PLEKHA8: variants seen among roughly 807,000 people sequenced by gnomAD.
PLEKHA8 encodes pleckstrin homology domain-containing family A member 8.
Under a neutral mutation model 68.2 loss-of-function variants are expected in PLEKHA8, and 36 were observed. That is an observed-to-expected ratio of 0.53 (90% CI 0.40 to 0.70). PLEKHA8 has a LOEUF of 0.70. PLEKHA8 is among the 30% of genes least tolerant of loss of function. The pLI is 0.00. For synonymous variants in PLEKHA8, 211 were observed against 216.1 expected, an observed-to-expected ratio of 0.98 and a Z score of 0.20; for missense variants, 505 against 615.4, an observed-to-expected ratio of 0.82 and a Z score of 1.90.
At chr7:30,075,013 A>G (rs547144369) in intron 13 of PLEKHA8, 1 of 152,290 alleles carries the variant, frequency 6.6e-6, no homozygotes, top group African/African-American at 2.4e-5. Context: ...ATGAAAAGGC[A>G]GTCTCATGCA....
intron 13 of PLEKHA8, among the ~76,000 whole-genome samples, chr7:30,116,146 GCATA>G (rs1410961172): frequency 2.7e-5 from 4 of 150,418 alleles, no homozygotes; most frequent in South Asian, 4.2e-4. Context: ...GTATACATAC[GCATA>G]CATACACGTA....
chr7:30,086,278 A>G (rs1221261461), downstream of PLEKHA8, among the ~76,000 whole-genome samples: 1 of 152,198 alleles, frequency 6.6e-6, no homozygotes, highest in African/African-American at 2.4e-5. Context: ...TACCCCACTG[A>G]TCCCCAGGAT....
chr7:30,092,037 C>T (rs143306463), downstream of PLEKHA8, among the ~76,000 whole-genome samples: 1,356 of 152,236 alleles, frequency 8.9e-3, 16 homozygotes, highest in Middle Eastern at 0.024. Context: ...TGTATGTGAG[C>T]AACTAAGGAC....
chr7:30,054,209 C>T (rs566946019), intron 7 of PLEKHA8, among the ~76,000 whole-genome samples: 20 of 152,278 alleles, frequency 1.3e-4, no homozygotes, highest in African/African-American at 3.9e-4. Flanking sequence ...ATTGCTCTAC[C>T]TCAGCTAGGA....
At chr7:30,112,845 G>A (rs371595891) in intron 13 of PLEKHA8, among the ~76,000 whole-genome samples, 14 of 151,862 alleles carry the variant, frequency 9.2e-5, no homozygotes, top group African/African-American at 3.4e-4. Flanking sequence ...AGGCTACAGT[G>A]AGCTGTGATA....
intron 4 of PLEKHA8, among the ~76,000 whole-genome samples, chr7:30,048,497 A>G (rs964240276): frequency 1.3e-5 from 2 of 152,224 alleles, no homozygotes; most frequent in Admixed American, 6.5e-5. Context: ...TTTTCTCTTC[A>G]TTGTCAGCAA....
chr7:30,074,269 T>TGTGTGTGTGTGTGTGA, intron 13 of PLEKHA8, 137 bp downstream of exon 13: 1 of 661,246 alleles, frequency 1.5e-6, no homozygotes, highest in Non-Finnish European at 2.5e-6. Flanking sequence ...TGTGTGTGTG[T>TGTGTGTGTGTGTGTGA]GTGTATGTGT....
At chr7:30,084,695 A>G (rs1438243411), downstream of PLEKHA8, 13 of 865,476 alleles carry the variant, frequency 1.5e-5, no homozygotes, top group African/African-American at 3.7e-5. Flanking sequence ...CTAATTGAAT[A>G]TGTCAATAAA....
Position 30,029,251 on chromosome 7 carries a change from G to C in PLEKHA8, c.40+449G>C, listed in dbSNP as rs184240213. ...CACAGCGGAAAGATCCTTTATCAAA[G>C]TCCTCAGTGCAAACACTTTCCCTTT... On this transcript the variant is annotated intron_variant, in intron 1 of 13. Coordinates refer to ENST00000449726, the MANE Select transcript of PLEKHA8 (RefSeq NM_001197026.2). 7.2e-5 allele frequency among the ~76,000 whole-genome samples: 11 copies of C among 152,334 alleles called. No individual in the cohort carries two copies. In the East Asian group the frequency reaches 2.1e-3, roughly 29 times the overall value.
intron 1 of PLEKHA8, among the ~76,000 whole-genome samples, chr7:30,037,609 C>G (rs1245376132): frequency 5.3e-5 from 8 of 152,200 alleles, no homozygotes; most frequent in African/African-American, 1.9e-4. Flanking sequence ...TTAACCTTTT[C>G]TTTCTCCCAT....
chr7:30,083,922 T>G lies in PLEKHA8; in HGVS notation c.*5135T>G. Reference sequence around the variant, plus strand: ...GTATGCGTGTCTGTTTATAGGTGTATATGGAGTCAGTGTTGATAGGAAGGA... The same window carrying G: ...GTATGCGTGTCTGTTTATAGGTGTAGATGGAGTCAGTGTTGATAGGAAGGA... On this transcript the variant is annotated 3_prime_UTR_variant, in exon 14 of 14. Coordinates refer to ENST00000449726, the MANE Select transcript of PLEKHA8 (RefSeq NM_001197026.2). The G allele has an allele frequency of 1.0e-6, 1 of 985,498 alleles. No individual in the cohort carries two copies. The highest frequency in any genetic ancestry group is 1.2e-6 in the Non-Finnish European group (1 of 829,916). 61.0% of individuals were successfully genotyped at this position (985,498 alleles called of 1,614,324 possible).
rs1266379715 is a variant in PLEKHA8 at position 30,052,769 on chromosome 7, A to G, written c.699A>G (p.Glu233=). Residue 233 remains glutamate, a synonymous_variant, in exon 7 of 14, where the codon GAA becomes GAG. Transcript: ENST00000449726. The part of the protein sequence containing the change: ...GSLNMEINGE[E]EILMKNKNSL... ...TAAATATGGAAATAAATGGTGAGGAAGAAATCCTAATGAAAAATAAGAATT... is the reference window on the plus strand; with the variant it reads ...TAAATATGGAAATAAATGGTGAGGAGGAAATCCTAATGAAAAATAAGAATT... 5 of 1,570,602 alleles carry G rather than the reference A, an allele frequency of 3.2e-6. No individual in the cohort carries two copies. The highest frequency in any genetic ancestry group is 4.2e-5 in the Admixed American group (2 of 47,286).
chr7:30,038,954 T>C (rs535354060), intron 1 of PLEKHA8, among the ~76,000 whole-genome samples: 1 of 150,818 alleles, frequency 6.6e-6, no homozygotes, highest in African/African-American at 2.4e-5. Context: ...ACATGAGGTA[T>C]GCCAGTTTAG....
Position 30,080,748 on chromosome 7 carries a change from G to A in PLEKHA8, c.*1961G>A. ...TGTTATTTCCCTCCCACTCTCATGAGCAGTGAGTATAGATCTCCTTCTCTG... is the reference window on the plus strand; with the variant it reads ...TGTTATTTCCCTCCCACTCTCATGAACAGTGAGTATAGATCTCCTTCTCTG... On this transcript the variant is annotated 3_prime_UTR_variant, in exon 14 of 14. Coordinates refer to ENST00000449726, the MANE Select transcript of PLEKHA8 (RefSeq NM_001197026.2). 2.0e-6 allele frequency: 2 copies of A among 985,272 alleles called. No individual in the cohort carries two copies. The highest frequency in any genetic ancestry group is 2.4e-6 in the Non-Finnish European group (2 of 829,864). The allele number at this position is 985,272 out of a possible 1,614,324, so 61.0% of individuals were successfully genotyped here. A position where few individuals can be genotyped will look rare whatever the true frequency, so the allele number is the denominator to read the frequency against.
At chr7:30,115,075 T>C (rs11769513) in intron 13 of PLEKHA8, among the ~76,000 whole-genome samples, 21,781 of 152,082 alleles carry the variant, frequency 0.14, 1,580 homozygotes, top group Middle Eastern at 0.18. Context: ...GCATCCCACA[T>C]CCTTACCACT....
At chr7:30,066,580 A>G (rs954405591) in intron 12 of PLEKHA8, among the ~76,000 whole-genome samples, 1 of 152,184 alleles carries the variant, frequency 6.6e-6, no homozygotes, top group South Asian at 2.1e-4. Flanking sequence ...CAAGGCAGAT[A>G]TGTTTAATAA....
downstream of PLEKHA8, among the ~76,000 whole-genome samples, chr7:30,093,606 A>G (rs1175976070): frequency 1.3e-5 from 2 of 152,226 alleles, no homozygotes; most frequent in Non-Finnish European, 2.9e-5. Context: ...CTGTAAACTG[A>G]GATAAAGAGA....
At chr7:30,090,130 TA>T (rs1314785907) in intron 12 of PLEKHA8, 1 of 1,545,490 alleles carries the variant, frequency 6.5e-7, no homozygotes, top group South Asian at 1.2e-5. Context: ...ATCTTTAGAT[TA>T]AAAGAGTGCA....
chr7:30,079,198 T>C lies in PLEKHA8; in HGVS notation c.*411T>C. ...AGCCAGTGTTTCAGCCAACTTAGACTAGACATTTGGAGGTAGTATAAGCTG... is the reference window on the plus strand; with the variant it reads ...AGCCAGTGTTTCAGCCAACTTAGACCAGACATTTGGAGGTAGTATAAGCTG... On this transcript the variant is annotated 3_prime_UTR_variant, in exon 14 of 14. Transcript: ENST00000449726. 1 of 1,006,850 alleles carries C rather than the reference T, an allele frequency of 9.9e-7. No individual in the cohort carries two copies. Among genetic ancestry groups the C allele is most frequent in the Non-Finnish European group, 1.2e-6 (1 of 842,840 alleles). 62.4% of individuals were successfully genotyped at this position (1,006,850 alleles called of 1,614,324 possible).
Sources: gnomAD v4.1 joint callset for allele counts (sites outside exome capture counted in the v4.1 genomes callset) on GRCh38, gnomAD v4.1.1 for gene constraint, MANE v1.5 for transcripts, NCBI Gene and HGNC (gene_info 2026-07-23, HGNC 2026-07-21) for gene names.